SLC7A8: variants seen among roughly 807,000 people sequenced by gnomAD.
SLC7A8 encodes the protein solute carrier family 7 member 8.
SLC7A8 carries 30 observed loss-of-function variants against 51.2 expected under a neutral mutation model. The ratio of observed to expected loss-of-function variants is 0.59; its 90% CI spans 0.44 to 0.80. The LOEUF (loss-of-function observed/expected upper bound fraction) is 0.80, where lower values mean the gene tolerates loss of function less well. Among genes scored for constraint, SLC7A8 ranks in the 30% least tolerant of loss-of-function variants. SLC7A8 has a pLI of 0.00. For synonymous variants in SLC7A8, 257 were observed against 275.8 expected, an observed-to-expected ratio of 0.93 and a Z score of 0.67; for missense variants, 612 against 674.4, an observed-to-expected ratio of 0.91 and a Z score of 1.03.
chr14:23,180,974 C>G (rs1877147618), intron 1 of SLC7A8, among the ~76,000 whole-genome samples: 1 of 152,032 alleles, frequency 6.6e-6, no homozygotes, highest in South Asian at 2.1e-4. Context: ...TTGCAGTGAG[C>G]CGAGATCGCG....
Position 23,127,204 on chromosome 14 carries a change from C to T in SLC7A8, c.1581G>A (p.Lys527=). The T allele has an allele frequency of 6.2e-7, 1 of 1,614,138 alleles. No homozygotes were observed. The highest frequency in any genetic ancestry group is 8.5e-7 in the Non-Finnish European group (1 of 1,179,986). The change falls in exon 11 of 11, where the codon AAG becomes AAA. Residue 527 remains lysine, a synonymous_variant. Transcript: ENST00000316902. ...PMYQPTPTKD[K]DVAGQPQP is the part of the protein sequence containing the mutation. ...AGGGCTGGGGCTGCCCCGCCACGTC[C>T]TTGTCCTTCGTGGGAGTGGGTTGGT...
At chr14:23,139,749 C>T (rs937621099) in intron 5 of SLC7A8, among the ~76,000 whole-genome samples, 1 of 152,178 alleles carries the variant, frequency 6.6e-6, no homozygotes, top group Non-Finnish European at 1.5e-5. Flanking sequence ...GTGGTTCACA[C>T]CTATTATCCC....
chr14:23,141,781 C>G (rs1362585191), intron 4 of SLC7A8, among the ~76,000 whole-genome samples: 1 of 152,204 alleles, frequency 6.6e-6, no homozygotes, highest in Non-Finnish European at 1.5e-5. Context: ...TCCCCAAGGA[C>G]AGGAATTTTT....
rs984147185 is a variant in SLC7A8 at position 23,126,920 on chromosome 14, C to G, written c.*257G>C. 2.7e-5 allele frequency: 14 copies of G among 522,700 alleles called. No individual in the cohort carries two copies. Among genetic ancestry groups the G allele is most frequent in the Non-Finnish European group, 4.1e-5 (12 of 291,548 alleles). The allele number at this position is 522,700 out of a possible 1,614,324, so 32.4% of individuals were successfully genotyped here. The stretch of plus-strand genomic sequence containing the variant: ...TCCTGCAGGGCACCTTGGCATCTCC[C>G]CTCTCCTCCAGCAGCTGGGAGTGTG... On this transcript the variant is annotated 3_prime_UTR_variant, in exon 11 of 11. Coordinates refer to ENST00000316902, the MANE Select transcript of SLC7A8 (RefSeq NM_012244.4).
chr14:23,144,341 ATTTTTT>A (rs67517828), intron 3 of SLC7A8, among the ~76,000 whole-genome samples: 18 of 114,348 alleles, frequency 1.6e-4, no homozygotes, highest in Admixed American at 2.7e-4. Flanking sequence ...TTTAAACACA[ATTTTTT>A]TTTTTTTTTT....
At chr14:23,145,818 C>G (rs537026361) in intron 3 of SLC7A8, among the ~76,000 whole-genome samples, 1 of 152,304 alleles carries the variant, frequency 6.6e-6, no homozygotes, top group African/African-American at 2.4e-5. Context: ...AACTTGACTT[C>G]AAGAGCAGAA....
At chr14:23,131,760 GA>G (rs1390517545) in intron 7 of SLC7A8, among the ~76,000 whole-genome samples, 2 of 152,224 alleles carry the variant, frequency 1.3e-5, no homozygotes, top group Non-Finnish European at 2.9e-5. Flanking sequence ...GCAGCCAGTG[GA>G]AAAGTGGATG....
At chr14:23,175,698 A>G (rs1282335867) in intron 1 of SLC7A8, among the ~76,000 whole-genome samples, 5 of 152,014 alleles carry the variant, frequency 3.3e-5, no homozygotes, top group Non-Finnish European at 7.4e-5. Context: ...ATTCAACCAA[A>G]TTACTCCTTT....
At chr14:23,132,690 C>CAAT (rs2048649148) in intron 7 of SLC7A8, among the ~76,000 whole-genome samples, 1 of 149,322 alleles carries the variant, frequency 6.7e-6, no homozygotes, top group Admixed American at 6.7e-5. Flanking sequence ...GGCTGGAGTG[C>CAAT]AATAGCACGA....
chr14:23,175,941 G>C (rs1328138850), intron 1 of SLC7A8, among the ~76,000 whole-genome samples: 1 of 152,184 alleles, frequency 6.6e-6, no homozygotes, highest in African/African-American at 2.4e-5. Context: ...AGATGTGTTT[G>C]TTTTGAAATA....
At chr14:23,154,756 G>A (rs533696875) in intron 3 of SLC7A8, among the ~76,000 whole-genome samples, 49 of 151,998 alleles carry the variant, frequency 3.2e-4, no homozygotes, top group Non-Finnish European at 5.7e-4. Flanking sequence ...CTGGAGGTGT[G>A]GGGGAGTGGG....
intron 7 of SLC7A8, among the ~76,000 whole-genome samples, chr14:23,132,786 C>T (rs1368669889): frequency 6.6e-6 from 1 of 152,108 alleles, no homozygotes; most frequent in Non-Finnish European, 1.5e-5. Flanking sequence ...CAGGCATGCG[C>T]CACCACACCC....
In SLC7A8 at chr14:23,165,959, T is replaced by TAC. The variant is rs2048947469; in HGVS notation, c.356+376_356+377insGT. Among the ~76,000 whole-genome samples, 1 of 152,044 alleles carries TAC rather than the reference T, an allele frequency of 6.6e-6. No homozygotes were observed. Among genetic ancestry groups the TAC allele is most frequent in the South Asian group, 2.1e-4 (1 of 4,814 alleles). On this transcript the variant is annotated intron_variant, in intron 2 of 10. Coordinates refer to ENST00000316902, the MANE Select transcript of SLC7A8 (RefSeq NM_012244.4). The surrounding 1 kb of genome is among the most constrained non-coding windows in gnomAD (Gnocchi z 4.2). ...TATCCTTGGTAGTGTGAGAAGAGGG[T>TAC]GCACTCTACCTTAGCTGGCCACTCT...
At chr14:23,153,293 T>C (rs2048863349) in intron 3 of SLC7A8, among the ~76,000 whole-genome samples, 1 of 152,216 alleles carries the variant, frequency 6.6e-6, no homozygotes, top group Admixed American at 6.5e-5. Flanking sequence ...CCTCATTTTA[T>C]ATGTGAGTGA....
At chr14:23,147,284 T>G (rs1483589068) in intron 3 of SLC7A8, among the ~76,000 whole-genome samples, 2 of 152,154 alleles carry the variant, frequency 1.3e-5, no homozygotes, top group Non-Finnish European at 2.9e-5. Context: ...AGGGCCTACA[T>G]GTACTAGGCA....
intron 3 of SLC7A8, among the ~76,000 whole-genome samples, chr14:23,152,850 C>T (rs1452444395): frequency 1.3e-5 from 2 of 152,160 alleles, no homozygotes; most frequent in Non-Finnish European, 2.9e-5. Context: ...AATCTCATTT[C>T]TTCTACTAAG....
chr14:23,156,918 G>C (rs1448220130), intron 3 of SLC7A8, among the ~76,000 whole-genome samples: 1 of 152,218 alleles, frequency 6.6e-6, no homozygotes, highest in African/African-American at 2.4e-5. Context: ...TGGGAATCAG[G>C]AAAGAGGAGG....
chr14:23,159,215 T>C (rs527328023), intron 3 of SLC7A8, among the ~76,000 whole-genome samples: 2 of 152,354 alleles, frequency 1.3e-5, no homozygotes, highest in Admixed American at 6.5e-5. Context: ...CTGATGGATT[T>C]TTTTAGTTTC....
rs529470919 is a variant in SLC7A8 at position 23,152,942 on chromosome 14, T to C, written c.509-9738A>G. ...AGGGCCACCTGGATACGGGGCTGGA[T>C]TGGTTGTTATAAGGACAGTGCTAAG... On this transcript the variant is annotated intron_variant, in intron 3 of 10. Coordinates refer to ENST00000316902, the MANE Select transcript of SLC7A8 (RefSeq NM_012244.4). Among the ~76,000 whole-genome samples the C allele has an allele frequency of 3.9e-5, 6 of 152,280 alleles. No individual in the cohort carries two copies. In the East Asian group the frequency reaches 7.7e-4, roughly 20 times the overall value.
Sources: gnomAD v4.1 joint callset for allele counts (sites outside exome capture counted in the v4.1 genomes callset) on GRCh38, gnomAD v4.1.1 for gene constraint, Gnocchi (gnomAD v3.1) non-coding constraint, MANE v1.5 for transcripts, NCBI Gene and HGNC (gene_info 2026-07-23, HGNC 2026-07-21) for gene names.